The following TFG variants were observed in gnomAD, a reference collection of about 807,000 sequenced individuals.
The protein encoded by TFG is protein TFG.
Under a neutral mutation model 51.4 loss-of-function variants are expected in TFG, and 22 were observed. That is an observed-to-expected ratio of 0.43 (90% CI 0.31 to 0.61). The LOEUF (loss-of-function observed/expected upper bound fraction) is 0.61. Among genes scored for constraint, TFG ranks in the 20% least tolerant of loss-of-function variants. The pLI is 0.12. For synonymous variants in TFG, 187 were observed against 165.6 expected (o/e 1.13, Z -0.99); for missense variants, 419 against 487.7 (o/e 0.86, Z 1.33).
At chr3:100,741,595 TGTA>T (rs1488707149) in intron 6 of TFG, among the ~76,000 whole-genome samples, 14 of 152,256 alleles carry the variant, frequency 9.2e-5, no homozygotes, top group Admixed American at 7.2e-4. Flanking sequence ...AAAAAATAAA[TGTA>T]GTATAGCCTA....
intron 6 of TFG, among the ~76,000 whole-genome samples, chr3:100,739,550 A>C (rs1323384310): frequency 6.6e-6 from 1 of 152,214 alleles, no homozygotes; most frequent in Non-Finnish European, 1.5e-5. Context: ...AGCCTAAAAA[A>C]ATGAAAAAGC....
intron 7 of TFG, among the ~76,000 whole-genome samples, chr3:100,745,232 T>G (rs2095131857): frequency 1.3e-5 from 2 of 152,298 alleles, no homozygotes; most frequent in Middle Eastern, 3.4e-3. Flanking sequence ...CTTAGGCGAC[T>G]TAGTGCAAGT....
At chr3:100,727,100 T>A (rs1054076768) in intron 3 of TFG, among the ~76,000 whole-genome samples, 5 of 152,228 alleles carry the variant, frequency 3.3e-5, no homozygotes, top group African/African-American at 9.6e-5. Flanking sequence ...ACTGTTGATC[T>A]ATCACAGATT....
intron 7 of TFG, 27 bp downstream of exon 7, chr3:100,744,958 C>A: frequency 6.6e-7 from 1 of 1,521,702 alleles, no homozygotes; most frequent in Non-Finnish European, 9.1e-7. Flanking sequence ...AGGGAGTTGG[C>A]TCATGGTTTT....
intron 6 of TFG, among the ~76,000 whole-genome samples, chr3:100,741,885 A>G (rs138202541): frequency 6.6e-6 from 1 of 152,220 alleles, no homozygotes; most frequent in South Asian, 2.1e-4. Flanking sequence ...GTAGACTGCT[A>G]TGTACCATAT....
intron 1 of TFG, among the ~76,000 whole-genome samples, chr3:100,711,483 G>T (rs1020166911): frequency 6.6e-6 from 1 of 152,122 alleles, no homozygotes; most frequent in Non-Finnish European, 1.5e-5. Context: ...TTCAAAGCTG[G>T]AATTTTTTTC....
rs965484250 is a variant in TFG at position 100,711,870 on chromosome 3, T to C, written c.-43-1773T>C. ...CTTTAGAGTTGGCACATAGTAGGTA[T>C]TTAATAAGTAGTTCCTGAATACCGA... On this transcript the variant is annotated intron_variant, in intron 1 of 7. Coordinates refer to ENST00000240851, the MANE Select transcript of TFG (RefSeq NM_006070.6). Among the ~76,000 whole-genome samples, 10 of 152,222 alleles carry C rather than the reference T, an allele frequency of 6.6e-5. 1 individual carries two copies. The highest frequency in any genetic ancestry group is 5.9e-4 in the Admixed American group (9 of 15,290).
chr3:100,739,392 TA>T (rs569645200), intron 6 of TFG, among the ~76,000 whole-genome samples: 3 of 150,680 alleles, frequency 2.0e-5, no homozygotes, highest in Non-Finnish European at 4.4e-5. Flanking sequence ...TGAGCATCAT[TA>T]AAAAAAAACC....
intron 1 of TFG, chr3:100,709,960 G>A (rs1202777237): frequency 6.7e-6 from 1 of 149,814 alleles, no homozygotes; most frequent in Non-Finnish European, 1.5e-5. Context: ...GAGGGGGAGG[G>A]GAGAGAGGCA....
intron 1 of TFG, among the ~76,000 whole-genome samples, chr3:100,711,463 A>G (rs556897242): frequency 1.3e-5 from 2 of 152,194 alleles, no homozygotes; most frequent in Non-Finnish European, 2.9e-5. Context: ...AGGACATACC[A>G]TCAATTATCT....
chr3:100,740,163 A>AATAAT (rs1420166203), intron 6 of TFG, among the ~76,000 whole-genome samples: 3 of 151,962 alleles, frequency 2.0e-5, no homozygotes, highest in Non-Finnish European at 2.9e-5. Flanking sequence ...AACTATGTGT[A>AATAAT]TTATTTATTA....
rs2095152820 is a variant in TFG at position 100,748,127 on chromosome 3, GTTAT to G, written c.821-15_821-12del. On this transcript the variant is annotated intron_variant, in intron 7 of 7. Transcript: ENST00000240851. ...AGTTTTACTAAAAGATAAGATACAT[GTTAT>G]TTATTTTGCCTTTTCAGCAAGCTAT... The G allele has an allele frequency of 6.2e-7, 1 of 1,603,770 alleles. No individual in the cohort carries two copies. Among genetic ancestry groups the G allele is most frequent in the Non-Finnish European group, 8.5e-7 (1 of 1,174,700 alleles).
At chr3:100,737,325 A>C (rs964559365) in intron 6 of TFG, among the ~76,000 whole-genome samples, 1 of 152,244 alleles carries the variant, frequency 6.6e-6, no homozygotes, top group Non-Finnish European at 1.5e-5. Flanking sequence ...AACTGGACTG[A>C]ACCCAGTGGT....
chr3:100,723,943 T>C (rs2095067849), intron 3 of TFG, among the ~76,000 whole-genome samples: 3 of 152,120 alleles, frequency 2.0e-5, no homozygotes, highest in Admixed American at 1.3e-4. Flanking sequence ...GGTCATATTC[T>C]CTGGCTTCTT....
chr3:100,729,146 C>T (rs914458333), intron 4 of TFG, among the ~76,000 whole-genome samples: 3 of 152,140 alleles, frequency 2.0e-5, no homozygotes, highest in Admixed American at 6.5e-5. Flanking sequence ...CGCAACTAGT[C>T]TTAGACTTTT....
chr3:100,711,478 A>T (rs1008677313), intron 1 of TFG, among the ~76,000 whole-genome samples: 1 of 152,186 alleles, frequency 6.6e-6, no homozygotes, highest in Non-Finnish European at 1.5e-5. Context: ...TTATCTTCAA[A>T]GCTGGAATTT....
Position 100,732,327 on chromosome 3 carries a change from T to A in TFG, c.416-181T>A, listed in dbSNP as rs72930734. On this transcript the variant is annotated intron_variant, in intron 4 of 7. Transcript: ENST00000240851. ...GTTTCTTTTTGCCCTCTTCTCCCTGTTACTAGAAGGAAAAATATAAAAAAA... is the reference window on the plus strand; with the variant it reads ...GTTTCTTTTTGCCCTCTTCTCCCTGATACTAGAAGGAAAAATATAAAAAAA... 0.026 allele frequency among the ~76,000 whole-genome samples: 3,986 copies of A among 152,256 alleles called. 170 individuals are homozygous for A. The highest frequency in any genetic ancestry group is 0.091 in the African/African-American group (3,764 of 41,510).
Position 100,748,190 on chromosome 3 carries a change from T to C in TFG, c.862T>C (p.Phe288Leu). ...GACTGGACCTCAACAACCTCAGCAG[T>C]TCCAGGGATATGGCCAGCAACCAAC... ...QQTGPQQPQQ[F>L]QGYGQQPTSQ... Residue 288 changes from phenylalanine (F) to leucine (L), a missense_variant, in exon 8 of 8, where the codon TTC becomes CTC. Physicochemically the swap from Phe to Leu is conservative, Grantham distance 22. Transcript: ENST00000240851. The C allele has an allele frequency of 6.2e-7, 1 of 1,614,066 alleles. No individual in the cohort carries two copies. The highest frequency in any genetic ancestry group is 8.5e-7 in the Non-Finnish European group (1 of 1,179,974).
chr3:100,738,578 C>G (rs963556454), intron 6 of TFG, among the ~76,000 whole-genome samples: 1 of 152,138 alleles, frequency 6.6e-6, no homozygotes, highest in Admixed American at 6.5e-5. Flanking sequence ...TTCTCTCTCC[C>G]ACCTCTGTCC....
Sources: allele counts gnomAD v4.1 joint callset (sites outside exome capture counted in the v4.1 genomes callset), GRCh38; gene constraint gnomAD v4.1.1; transcripts MANE v1.5; gene names NCBI Gene and HGNC (gene_info 2026-07-23, HGNC 2026-07-21).